The following NPAS2 variants were observed in gnomAD, a reference collection of about 807,000 sequenced individuals.
NPAS2 encodes neuronal PAS domain protein 2, also known as neuronal PAS domain-containing protein 2.
Under a neutral mutation model 107.5 loss-of-function variants are expected in NPAS2, and 23 were observed. The observed-to-expected ratio is 0.21, with a 90% CI of 0.15 to 0.30. The LOEUF is 0.30. NPAS2 is among the 10% of genes least tolerant of loss of function. The probability of loss-of-function intolerance (pLI) is 1.00; values close to 1 mark genes in which losing one functional copy is unlikely to be tolerated. For synonymous variants in NPAS2, 403 were observed against 417.5 expected, an observed-to-expected ratio of 0.97 and a Z score of 0.42; for missense variants, 756 against 1,043.3, an observed-to-expected ratio of 0.72 and a Z score of 3.79.
intron 1 of NPAS2, among the ~76,000 whole-genome samples, chr2:100,850,039 C>CAAAAAAAAAAAAAAAAAAAAAAAAAA (rs1491345726): frequency 2.5e-5 from 1 of 40,610 alleles, no homozygotes. Flanking sequence ...AAAAAAAAAG[C>CAAAAAAAAAAAAAAAAAAAAAAAAAA]AAGAGAAAAT....
At chr2:100,864,533 C>T (rs1230946158) in intron 1 of NPAS2, among the ~76,000 whole-genome samples, 1 of 152,156 alleles carries the variant, frequency 6.6e-6, no homozygotes, top group African/African-American at 2.4e-5. Flanking sequence ...GAAGTGTCTT[C>T]CTTGAAACTC....
At chr2:100,897,527 C>A (rs147119832) in intron 1 of NPAS2, among the ~76,000 whole-genome samples, 1 of 152,158 alleles carries the variant, frequency 6.6e-6, no homozygotes, top group African/African-American at 2.4e-5. Flanking sequence ...AAGCAATCAC[C>A]GGGCTGGCCT....
intron 1 of NPAS2, among the ~76,000 whole-genome samples, chr2:100,854,552 C>A (rs993520489): frequency 6.6e-6 from 1 of 152,160 alleles, no homozygotes; most frequent in African/African-American, 2.4e-5. Flanking sequence ...TTCCCCCCAG[C>A]TTTTATACAT....
Position 100,941,391 on chromosome 2 carries a change from CG to C in NPAS2, c.363+3550del, listed in dbSNP as rs1334503751. Among the ~76,000 whole-genome samples, 11 of 152,170 alleles carry C rather than the reference CG, an allele frequency of 7.2e-5. No homozygotes were observed. The East Asian group carries it at 2.1e-3, about 30-fold the overall frequency. On this transcript the variant is annotated intron_variant, in intron 5 of 20. Transcript: ENST00000335681. ...CTAGCCTAGGTAACTCAGCAACACCCGTCTCTACAAAAAATCCAAAAATTGG... is the reference window on the plus strand; with the variant it reads ...CTAGCCTAGGTAACTCAGCAACACCCTCTCTACAAAAAATCCAAAAATTGG...
chr2:100,932,593 A>G (rs1249006709), intron 3 of NPAS2, among the ~76,000 whole-genome samples: 2 of 152,228 alleles, frequency 1.3e-5, no homozygotes, highest in Admixed American at 6.5e-5. Context: ...CATAGGTGGT[A>G]ACTACCTAAT....
intron 15 of NPAS2, among the ~76,000 whole-genome samples, chr2:100,979,495 TATATATA>T (rs371045489): frequency 1.2e-4 from 7 of 59,712 alleles, no homozygotes; most frequent in East Asian, 1.0e-3. Flanking sequence ...TATATATATA[TATATATA>T]TTTTTTTTTT....
chr2:100,834,105 A>G (rs1676910937), intron 1 of NPAS2, among the ~76,000 whole-genome samples: 1 of 152,066 alleles, frequency 6.6e-6, no homozygotes, highest in South Asian at 2.1e-4. Context: ...CCGGCACCGA[A>G]CAGACCAGCC....
intron 5 of NPAS2, among the ~76,000 whole-genome samples, chr2:100,943,981 A>C (rs978734970): frequency 6.6e-5 from 10 of 152,194 alleles, no homozygotes; most frequent in African/African-American, 2.2e-4. Context: ...TTTGATGAAC[A>C]GAGATTCTTT....
chr2:100,984,344 A>T (rs2105292161), intron 16 of NPAS2: 1 of 152,368 alleles, frequency 6.6e-6, no homozygotes, highest in East Asian at 1.9e-4. Context: ...AGTGTGAAGA[A>T]TAAGCAAGTA....
At chr2:100,946,872 GAGA>G (rs1336327507) in intron 5 of NPAS2, among the ~76,000 whole-genome samples, 2 of 152,150 alleles carry the variant, frequency 1.3e-5, no homozygotes, top group Non-Finnish European at 2.9e-5. Flanking sequence ...GGGTAAGGAC[GAGA>G]AGGAGAGAAG....
intron 5 of NPAS2, among the ~76,000 whole-genome samples, chr2:100,947,408 G>A (rs532537169): frequency 5.3e-4 from 80 of 152,052 alleles, no homozygotes; most frequent in African/African-American, 1.8e-3. Flanking sequence ...AAAATTAGCC[G>A]GCCATGGTGG....
rs992822320 is a variant in NPAS2, at chr2:100,894,234, C to T, written c.-22-10499C>T. Among the ~76,000 whole-genome samples the T allele has an allele frequency of 5.9e-5, 9 of 152,342 alleles. No homozygotes were observed. In the East Asian group the frequency reaches 1.7e-3, roughly 29 times the overall value. ...TTGCAGGCTTCACTTTTGTCCTTTG[C>T]TTCAGTTAGAGTCAACAGATTTTTT... On this transcript the variant is annotated intron_variant, in intron 1 of 20. Transcript: ENST00000335681.
At chr2:100,925,439 T>A in intron 3 of NPAS2, 145 bp downstream of exon 3, 1 of 783,596 alleles carries the variant, frequency 1.3e-6, no homozygotes, top group Non-Finnish European at 2.0e-6. Context: ...GTAAAGACAC[T>A]CCACCCTCTA....
chr2:100,877,152 T>C (rs938751922), intron 1 of NPAS2, among the ~76,000 whole-genome samples: 1 of 152,134 alleles, frequency 6.6e-6, no homozygotes, highest in African/African-American at 2.4e-5. Context: ...GATCTCCTCC[T>C]GGGAATTGCT....
intron 1 of NPAS2, among the ~76,000 whole-genome samples, chr2:100,890,117 C>G (rs1680956964): frequency 6.6e-6 from 1 of 152,180 alleles, no homozygotes; most frequent in African/African-American, 2.4e-5. Flanking sequence ...AGGTATGTAG[C>G]TTTGCCAGAT....
chr2:100,889,133 G>A (rs1471657018), intron 1 of NPAS2, among the ~76,000 whole-genome samples: 7 of 152,186 alleles, frequency 4.6e-5, no homozygotes, highest in Non-Finnish European at 2.9e-5. Flanking sequence ...ATGACCTAGA[G>A]ATGACATAAA....
At chr2:100,858,019 A>C (rs1678691254) in intron 1 of NPAS2, among the ~76,000 whole-genome samples, 1 of 152,264 alleles carries the variant, frequency 6.6e-6, no homozygotes, top group Admixed American at 6.5e-5. Context: ...AGTACTCAAG[A>C]GAAGGAAATG....
intron 1 of NPAS2, among the ~76,000 whole-genome samples, chr2:100,851,445 G>T (rs1039691787): frequency 6.6e-6 from 1 of 152,222 alleles, no homozygotes; most frequent in Admixed American, 6.5e-5. Context: ...TTCACACTCT[G>T]AATGCCGTCA....
rs142767862 is a variant in NPAS2 at position 100,871,180 on chromosome 2, C to T, written c.-22-33553C>T. 4.3e-4 allele frequency among the ~76,000 whole-genome samples: 65 copies of T among 152,330 alleles called. 1 individual carries two copies. The highest frequency in any genetic ancestry group is 2.1e-3 in the Admixed American group (32 of 15,298). On this transcript the variant is annotated intron_variant, in intron 1 of 20. Coordinates refer to ENST00000335681, the MANE Select transcript of NPAS2 (RefSeq NM_002518.4). ...ATAAAGTTTTATTGGAACACAGCCA[C>T]ACCCGTTCATATTACCTTTGGCTAC... is the stretch of plus-strand genomic sequence containing the variant.
Sources: allele counts gnomAD v4.1 joint callset (sites outside exome capture counted in the v4.1 genomes callset), GRCh38; gene constraint gnomAD v4.1.1; transcripts MANE v1.5; gene names NCBI Gene and HGNC (gene_info 2026-07-23, HGNC 2026-07-21).